Variants in NAALADL2 observed in about 807,000 individuals in gnomAD.
NAALADL2 encodes the protein inactive N-acetylated-alpha-linked acidic dipeptidase-like protein 2.
Under a neutral mutation model 87.2 loss-of-function variants are expected in NAALADL2, and 76 were observed. The observed-to-expected ratio is 0.87, with a 90% CI of 0.72 to 1.05. NAALADL2 has a LOEUF of 1.05. Ranked by LOEUF, NAALADL2 falls within the 50% of genes least tolerant of loss-of-function variation. The pLI is 0.00. For synonymous variants in NAALADL2, 354 were observed against 331.0 expected (o/e 1.07, Z -0.75); for missense variants, 1,089 against 945.8 (o/e 1.15, Z -1.99).
intron 11 of NAALADL2, among the ~76,000 whole-genome samples, chr3:175,709,238 T>G (rs1377646783): frequency 1.3e-5 from 2 of 152,134 alleles, no homozygotes; most frequent in African/African-American, 4.8e-5. Context: ...TAGCTCGTGA[T>G]TATTCTGCCT....
chr3:175,013,177 T>G lies in NAALADL2; in HGVS notation c.44-83613T>G, dbSNP rs922357231. Among the ~76,000 whole-genome samples, 6 of 118,520 alleles carry G rather than the reference T, an allele frequency of 5.1e-5. 1 individual carries two copies. Among genetic ancestry groups the G allele is most frequent in the Non-Finnish European group, 1.1e-4 (6 of 55,738 alleles). 77.8% of individuals were successfully genotyped at this position (118,520 alleles called of 152,430 possible). A position where few individuals can be genotyped will look rare whatever the true frequency, so the allele number is the denominator to read the frequency against. On this transcript the variant is annotated intron_variant, in intron 1 of 13. Transcript: ENST00000454872. ...TTTATATATAAATATGTAATACATA[T>G]TTATATATAAATATATATACATAAA...
chr3:175,465,351 A>G (rs562923740), intron 7 of NAALADL2, among the ~76,000 whole-genome samples: 193 of 151,906 alleles, frequency 1.3e-3, no homozygotes, highest in Non-Finnish European at 1.9e-3. Flanking sequence ...GATATGGTTT[A>G]TTTAGAATGC....
intron 10 of NAALADL2, among the ~76,000 whole-genome samples, chr3:175,599,873 C>A (rs995535496): frequency 2.0e-5 from 3 of 151,972 alleles, no homozygotes; most frequent in Non-Finnish European, 4.4e-5. Flanking sequence ...TATGTGAATA[C>A]TTGAAAGTAA....
At chr3:175,285,567 A>T (rs554456853) in intron 4 of NAALADL2, among the ~76,000 whole-genome samples, 27 of 152,154 alleles carry the variant, frequency 1.8e-4, no homozygotes, top group Non-Finnish European at 3.4e-4. Flanking sequence ...GTTGATAGGA[A>T]ATTAGCTAAG....
At chr3:174,726,340 G>A (rs190943977) in intron 2 of NAALADL2, among the ~76,000 whole-genome samples, 1 of 152,112 alleles carries the variant, frequency 6.6e-6, no homozygotes, top group African/African-American at 2.4e-5. Flanking sequence ...GAAAAGCAAA[G>A]GCTGTGCAGG....
At chr3:175,451,133 C>A (rs909904205) in intron 6 of NAALADL2, among the ~76,000 whole-genome samples, 3 of 152,008 alleles carry the variant, frequency 2.0e-5, no homozygotes, top group South Asian at 2.1e-4. Flanking sequence ...TTGAACTTTT[C>A]GTATATATGA....
At chr3:174,640,853 A>G (rs369129299) in intron 2 of NAALADL2, among the ~76,000 whole-genome samples, 195 of 152,322 alleles carry the variant, frequency 1.3e-3, no homozygotes, top group African/African-American at 4.5e-3. Flanking sequence ...TCCATTGTTG[A>G]GAGCATGGAC....
intron 10 of NAALADL2, among the ~76,000 whole-genome samples, chr3:175,625,722 A>T (rs1726894853): frequency 6.6e-6 from 1 of 152,008 alleles, no homozygotes. Context: ...CCCGAGGTCT[A>T]CCATTTATTC....
At chr3:175,338,760 A>G (rs1334401146) in intron 5 of NAALADL2, among the ~76,000 whole-genome samples, 3 of 152,030 alleles carry the variant, frequency 2.0e-5, no homozygotes, top group East Asian at 1.9e-4. Context: ...GGAGTGCAAG[A>G]GTTCCTTGAG....
intron 2 of NAALADL2, among the ~76,000 whole-genome samples, chr3:174,736,076 A>ATGGC (rs1733165911): frequency 6.6e-6 from 1 of 152,122 alleles, no homozygotes; most frequent in South Asian, 2.1e-4. Flanking sequence ...AGCCGCTTCC[A>ATGGC]TGGCTGGCAC....
At chr3:174,868,727 C>T (rs16865302) in intron 1 of NAALADL2, among the ~76,000 whole-genome samples, 6,081 of 151,986 alleles carry the variant, frequency 0.04, 387 homozygotes, top group African/African-American at 0.14. Flanking sequence ...GGATGGGGAC[C>T]GTTTAGGCAA....
chr3:174,961,236 G>C (rs1741945763), intron 1 of NAALADL2, among the ~76,000 whole-genome samples: 1 of 150,954 alleles, frequency 6.6e-6, no homozygotes, highest in Admixed American at 6.6e-5. Context: ...CTCCCACCTT[G>C]ACCTTCCAAA....
chr3:175,056,167 C>T (rs1712120718), intron 1 of NAALADL2, among the ~76,000 whole-genome samples: 1 of 152,034 alleles, frequency 6.6e-6, no homozygotes, highest in South Asian at 2.1e-4. Context: ...TCTTTTTCTT[C>T]AAAATAATAA....
At chr3:174,936,739 C>T (rs1438625747) in intron 1 of NAALADL2, among the ~76,000 whole-genome samples, 2 of 152,200 alleles carry the variant, frequency 1.3e-5, no homozygotes. Context: ...AGCAAACCGA[C>T]AGTACTGACA....
At chr3:174,903,359 C>T (rs1732535270) in intron 1 of NAALADL2, among the ~76,000 whole-genome samples, 1 of 152,034 alleles carries the variant, frequency 6.6e-6, no homozygotes, top group Non-Finnish European at 1.5e-5. Flanking sequence ...CATTACCTCA[C>T]TTAACATTTT....
At chr3:175,465,722 C>A (rs548496880) in intron 7 of NAALADL2, among the ~76,000 whole-genome samples, 2 of 152,096 alleles carry the variant, frequency 1.3e-5, no homozygotes, top group African/African-American at 4.8e-5. Context: ...CCACCTGTCT[C>A]GGCCTCCCAA....
intron 10 of NAALADL2, among the ~76,000 whole-genome samples, chr3:175,621,549 A>T (rs993235856): frequency 6.6e-6 from 1 of 152,206 alleles, no homozygotes; most frequent in Non-Finnish European, 1.5e-5. Flanking sequence ...AAAATTCTCC[A>T]TGCGGAAATA....
intron 1 of NAALADL2, among the ~76,000 whole-genome samples, chr3:174,875,459 T>G (rs2109652879): frequency 6.6e-6 from 1 of 152,290 alleles, no homozygotes; most frequent in South Asian, 2.1e-4. Context: ...TTAAGAATTT[T>G]TATGTTTATG....
At chr3:174,642,605 C>A (rs548423005) in intron 2 of NAALADL2, among the ~76,000 whole-genome samples, 113 of 151,650 alleles carry the variant, frequency 7.5e-4, no homozygotes, top group Non-Finnish European at 1.2e-3. Context: ...ACACTACTAG[C>A]TCCTTGTGTT....
Sources: allele counts gnomAD v4.1 joint callset (sites outside exome capture counted in the v4.1 genomes callset), GRCh38; gene constraint gnomAD v4.1.1; transcripts MANE v1.5; gene names NCBI Gene and HGNC (gene_info 2026-07-23, HGNC 2026-07-21).